Variants in ADCY9 observed in about 807,000 individuals in gnomAD.
ADCY9 encodes the protein adenylate cyclase type 9.
A neutral mutation model predicts 101.5 loss-of-function variants in ADCY9; 50 were observed. That is an observed-to-expected ratio of 0.49 (90% CI 0.39 to 0.62). The LOEUF is 0.62. Ranked by LOEUF, ADCY9 falls within the 20% of genes least tolerant of loss-of-function variation. The pLI is 0.00. For synonymous variants in ADCY9, 905 were observed against 769.3 expected, an observed-to-expected ratio of 1.18 and a Z score of -2.92; for missense variants, 1,662 against 1,800.4, an observed-to-expected ratio of 0.92 and a Z score of 1.39.
intron 2 of ADCY9, among the ~76,000 whole-genome samples, chr16:4,034,684 G>A (rs878959090): frequency 3.3e-5 from 5 of 152,142 alleles, no homozygotes; most frequent in Admixed American, 1.3e-4. Context: ...CTCCCAAAGC[G>A]CTGGGATTAC....
In ADCY9 at chr16:4,003,572, T is replaced by C. The variant is rs368404117; in HGVS notation, c.1884+3796A>G. Among the ~76,000 whole-genome samples, 632 of 150,198 alleles carry C rather than the reference T, an allele frequency of 4.2e-3. 4 individuals are homozygous for C. The highest frequency in any genetic ancestry group is 0.014 in the African/African-American group (595 of 41,044). On this transcript the variant is annotated intron_variant, in intron 3 of 10. Transcript: ENST00000294016. ...GTTTGCTCTTTCTTTTCTTTTTTTTTTTTTTTTTTTGAGACAGTGTCTCAT... is the reference window on the plus strand; with the variant it reads ...GTTTGCTCTTTCTTTTCTTTTTTTTCTTTTTTTTTTGAGACAGTGTCTCAT...
At chr16:4,103,761 G>A (rs1255921580) in intron 2 of ADCY9, among the ~76,000 whole-genome samples, 1 of 152,154 alleles carries the variant, frequency 6.6e-6, no homozygotes, top group Admixed American at 6.5e-5. Flanking sequence ...AACCCAGGAG[G>A]CGGAGGTTGC....
intron 2 of ADCY9, among the ~76,000 whole-genome samples, chr16:4,078,520 T>C (rs2056881823): frequency 6.9e-6 from 1 of 145,346 alleles, no homozygotes; most frequent in Admixed American, 7.2e-5. Flanking sequence ...ATCACGCCAC[T>C]GCACTCCAGC....
At chr16:4,020,459 T>C (rs1296148228) in intron 2 of ADCY9, among the ~76,000 whole-genome samples, 1 of 152,206 alleles carries the variant, frequency 6.6e-6, no homozygotes, top group South Asian at 2.1e-4. Flanking sequence ...TTATTTATTA[T>C]AGATGACATT....
intron 6 of ADCY9, among the ~76,000 whole-genome samples, chr16:3,987,552 G>A (rs891007748): frequency 4.6e-5 from 7 of 152,308 alleles, no homozygotes; most frequent in South Asian, 2.1e-4. Flanking sequence ...TAAATGAGAC[G>A]ATATTTTGCC....
intron 2 of ADCY9, among the ~76,000 whole-genome samples, chr16:4,075,088 G>T (rs967564887): frequency 7.2e-4 from 109 of 152,264 alleles, no homozygotes; most frequent in African/African-American, 2.6e-3. Flanking sequence ...GAGGTAGGAG[G>T]ATCACTTCAG....
At chr16:4,046,468 A>G (rs1331850776) in intron 2 of ADCY9, among the ~76,000 whole-genome samples, 1 of 152,224 alleles carries the variant, frequency 6.6e-6, no homozygotes, top group East Asian at 1.9e-4. Context: ...AGCACTGATG[A>G]CAAATGCAGA....
chr16:3,966,416 A>C lies in ADCY9; in HGVS notation c.3421T>G (p.Phe1141Val). ...ACCACGCGCATCATCTCCTTGGCGAACTCGAACAGGATCTGCAGGTGCTCC... is the reference window on the plus strand; with the variant it reads ...ACCACGCGCATCATCTCCTTGGCGACCTCGAACAGGATCTGCAGGTGCTCC... ...PQEHLQILFEFAKEMMRVVDD... is the reference protein window; with the variant it reads ...PQEHLQILFEVAKEMMRVVDD... The change falls in exon 11 of 11, where the codon TTC becomes GTC. Residue 1141 changes from phenylalanine to valine, a missense_variant. Coordinates refer to ENST00000294016, the MANE Select transcript of ADCY9 (RefSeq NM_001116.4). 6.2e-7 allele frequency: 1 copy of C among 1,614,012 alleles called. No homozygotes were observed. The highest frequency in any genetic ancestry group is 8.5e-7 in the Non-Finnish European group (1 of 1,180,012).
At chr16:4,031,444 C>G (rs1425560293) in intron 2 of ADCY9, among the ~76,000 whole-genome samples, 1 of 152,114 alleles carries the variant, frequency 6.6e-6, no homozygotes, top group Non-Finnish European at 1.5e-5. Context: ...TAATTATATT[C>G]ACACATACAT....
chr16:3,984,690 G>C (rs2056175503), intron 6 of ADCY9, among the ~76,000 whole-genome samples: 1 of 152,246 alleles, frequency 6.6e-6, no homozygotes, highest in Admixed American at 6.5e-5. Context: ...CTGTGGTTGG[G>C]AGAGGAAGGG....
chr16:3,968,425 C>T (rs1041822129), intron 10 of ADCY9, among the ~76,000 whole-genome samples: 2 of 152,174 alleles, frequency 1.3e-5, no homozygotes, highest in Non-Finnish European at 2.9e-5. Flanking sequence ...AGCCACCGCG[C>T]CTGGCCTTGG....
At chr16:4,071,366 C>CAAAAAAAAAAAAAAAAA (rs1004438307) in intron 2 of ADCY9, among the ~76,000 whole-genome samples, 7 of 89,242 alleles carry the variant, frequency 7.8e-5, no homozygotes, top group East Asian at 3.9e-4. Flanking sequence ...AAAAAAAAAT[C>CAAAAAAAAAAAAAAAAA]AAAAAAGTTG....
chr16:4,084,852 T>C (rs377224011), intron 2 of ADCY9, among the ~76,000 whole-genome samples: 2 of 152,106 alleles, frequency 1.3e-5, no homozygotes, highest in Non-Finnish European at 2.9e-5. Context: ...GAACGACCCA[T>C]ATTCCTGTGA....
At chr16:4,098,326 C>T (rs1226821563) in intron 2 of ADCY9, among the ~76,000 whole-genome samples, 4 of 151,900 alleles carry the variant, frequency 2.6e-5, no homozygotes, top group African/African-American at 7.3e-5. Flanking sequence ...CTCTGCCTCC[C>T]GGGTTCAAGT....
chr16:4,024,699 T>C (rs1356115804), intron 2 of ADCY9, among the ~76,000 whole-genome samples: 4 of 152,110 alleles, frequency 2.6e-5, no homozygotes, highest in South Asian at 2.1e-4. Flanking sequence ...GTCAGGTTCA[T>C]GATTTAAGGT....
intron 3 of ADCY9, 131 bp downstream of exon 3, chr16:4,007,237 C>T (rs550400986): frequency 4.9e-5 from 36 of 735,666 alleles, no homozygotes; most frequent in East Asian, 2.0e-4. Context: ...ATATTAAAAT[C>T]GTGAAAACCA....
chr16:3,988,609 C>A (rs1342244320), intron 6 of ADCY9, among the ~76,000 whole-genome samples: 1 of 109,680 alleles, frequency 9.1e-6, no homozygotes, highest in Admixed American at 1.2e-4. Flanking sequence ...GGGGGGGGTT[C>A]CTTTACCAGG....
rs869169536 is a variant in ADCY9, at chr16:4,108,360, A to ATTTTTTTTTTT, written c.1693+5379_1693+5389dup. 1.3e-3 allele frequency among the ~76,000 whole-genome samples: 69 copies of ATTTTTTTTTTT among 53,746 alleles called. 9 individuals carry two copies. The highest frequency in any genetic ancestry group is 1.7e-3 in the Non-Finnish European group (53 of 30,896). 35.3% of individuals were successfully genotyped at this position (53,746 alleles called of 152,430 possible). On this transcript the variant is annotated intron_variant, in intron 2 of 10. Coordinates refer to ENST00000294016, the MANE Select transcript of ADCY9 (RefSeq NM_001116.4). ...CTCACCTTAATCAGACCGTTTCTTC[A>ATTTTTTTTTTT]TTTTTTTTTTTTTTTTTTTTTTTTT...
At chr16:4,055,080 G>A (rs1006825742) in intron 2 of ADCY9, among the ~76,000 whole-genome samples, 6 of 152,260 alleles carry the variant, frequency 3.9e-5, no homozygotes, top group Middle Eastern at 3.4e-3. Flanking sequence ...CCCGCGGAAG[G>A]GGAGGCACAC....
Sources: allele counts gnomAD v4.1 joint callset (sites outside exome capture counted in the v4.1 genomes callset), GRCh38; gene constraint gnomAD v4.1.1; transcripts MANE v1.5; gene names NCBI Gene and HGNC (gene_info 2026-07-23, HGNC 2026-07-21).